Variants in LARP7 observed in about 807,000 individuals in gnomAD.
The protein encoded by LARP7 is la-related protein 7.
In LARP7, 52 loss-of-function variants were observed where a neutral mutation model predicts 69.3. The ratio of observed to expected loss-of-function variants is 0.75; its 90% confidence interval spans 0.60 to 0.95. The LOEUF is 0.95. Among genes scored for constraint, LARP7 ranks in the 40% least tolerant of loss-of-function variants. The pLI, the probability that LARP7 is intolerant of heterozygous loss-of-function variation, is 0.00. For missense variants in LARP7, 733 were observed against 673.0 expected, an observed-to-expected ratio of 1.09 and a Z score of -0.99; for synonymous variants, 254 against 215.9, an observed-to-expected ratio of 1.18 and a Z score of -1.55.
intron 1 of LARP7, among the ~76,000 whole-genome samples, chr4:112,638,537 G>A (rs929481033): frequency 6.6e-6 from 1 of 152,112 alleles, no homozygotes; most frequent in Non-Finnish European, 1.5e-5. Context: ...TCATTTCAAC[G>A]TTCCTGATTG....
intron 12 of LARP7, chr4:112,654,828 G>C (rs1343451900): frequency 6.6e-6 from 1 of 151,966 alleles, no homozygotes; most frequent in Non-Finnish European, 1.5e-5. Flanking sequence ...AAAAGTGCCT[G>C]GAACAAAGTA....
chr4:112,652,772 G>C lies in LARP7; in HGVS notation c.1417-305G>C, dbSNP rs180768122. Among the ~76,000 whole-genome samples the C allele has an allele frequency of 2.5e-4, 37 of 150,814 alleles. No homozygotes were observed. In the East Asian group the frequency reaches 6.0e-3, roughly 25 times the overall value. ...AACGCTTCCTGATTTGGGGGTTGGG[G>C]GACACTATTTCTGCTTTCTGCTCTA... On this transcript the variant is annotated intron_variant, in intron 10 of 12. Transcript: ENST00000344442.
chr4:112,645,658 C>A (rs2048169909), intron 2 of LARP7: 1 of 442,570 alleles, frequency 2.3e-6, no homozygotes, highest in Non-Finnish European at 4.5e-6. Context: ...TAGCTGAGAA[C>A]ACAGGCAAGC....
At chr4:112,656,355 G>A (rs1578654436) in intron 12 of LARP7, among the ~76,000 whole-genome samples, 3 of 152,114 alleles carry the variant, frequency 2.0e-5, no homozygotes, top group Admixed American at 1.3e-4. Context: ...CCAAGATGGC[G>A]CCACTGCACC....
rs1461662276 is a variant in LARP7, at chr4:112,657,559, T to G, written c.*232T>G. 7 of 282,324 alleles carry G rather than the reference T, an allele frequency of 2.5e-5. No homozygotes were observed. Among genetic ancestry groups the G allele is most frequent in the African/African-American group, 8.7e-5 (4 of 45,742 alleles). The allele number at this position is 282,324 out of a possible 1,614,324, so 17.5% of individuals were successfully genotyped here. A position where few individuals can be genotyped will look rare whatever the true frequency, so the allele number is the denominator to read the frequency against. Reference sequence around the variant, plus strand: ...ATCTTAGATGTCAGTGTCAGGTGATTTAGTAAATAAATGTGTTTTGAACAT... The same window carrying G: ...ATCTTAGATGTCAGTGTCAGGTGATGTAGTAAATAAATGTGTTTTGAACAT... On this transcript the variant is annotated 3_prime_UTR_variant, in exon 13 of 13. Transcript: ENST00000344442.
intron 1 of LARP7, among the ~76,000 whole-genome samples, chr4:112,643,075 T>C (rs1165040423): frequency 6.6e-6 from 1 of 152,258 alleles, no homozygotes; most frequent in Non-Finnish European, 1.5e-5. Context: ...AACACATTTT[T>C]AAGTGACTGT....
rs750794892 is a variant in LARP7, at chr4:112,653,027, T to C, written c.1417-50T>C. 5 of 1,425,352 alleles carry C rather than the reference T, an allele frequency of 3.5e-6. No individual in the cohort carries two copies. The African/African-American group carries it at 7.2e-5, about 21-fold the overall frequency. The allele number at this position is 1,425,352 out of a possible 1,614,324, so 88.3% of individuals were successfully genotyped here. On this transcript the variant is annotated intron_variant, in intron 10 of 12. Transcript: ENST00000344442. ...AACCATTGGAATAGTTTTAGAATTA[T>C]TGTGAAACTTTTTAAATTTTATTTG... is the stretch of plus-strand genomic sequence containing the variant.
At position 112,646,610 on chromosome 4, in the gene LARP7, T is replaced by C; in HGVS notation, c.326T>C (p.Ile109Thr). 2 of 1,598,408 alleles carry C rather than the reference T, an allele frequency of 1.3e-6. No individual in the cohort carries two copies. Among genetic ancestry groups the C allele is most frequent in the Non-Finnish European group, 1.7e-6 (2 of 1,171,448 alleles). Reference protein sequence around the residue: ...VVELDLEGTRIRRKKPLGERP... With the variant: ...VVELDLEGTRTRRKKPLGERP... ...AAGCTTGATTTGGAAGGCACCAGAATCCGGAGGAAAAAACCTCTGGGGGAA... is the reference window on the plus strand; with the variant it reads ...AAGCTTGATTTGGAAGGCACCAGAACCCGGAGGAAAAAACCTCTGGGGGAA... The change falls in exon 4 of 13, where the codon ATC becomes ACC. Residue 109 changes from isoleucine to threonine, a missense_variant. Physicochemically the swap from Ile to Thr is moderately conservative, Grantham distance 89. Coordinates refer to ENST00000344442, the MANE Select transcript of LARP7 (RefSeq NM_016648.4).
rs2048362293 is a variant in LARP7, at chr4:112,647,547, G to A, written c.995G>A (p.Arg332Lys). Residue 332 changes from arginine (R) to lysine (K), a missense_variant and splice_region_variant, in exon 7 of 13, where the codon AGA (arginine) becomes AAA (lysine). Coordinates refer to ENST00000344442, the MANE Select transcript of LARP7 (RefSeq NM_016648.4). Reference sequence around the variant, plus strand: ...GCATCAGAAGCTTCCAAGGAAAATAGAGGTAAAACTACAAGGTTTTAATTA... The same window carrying A: ...GCATCAGAAGCTTCCAAGGAAAATAAAGGTAAAACTACAAGGTTTTAATTA... ...KEASEASKEN[R>K]DIEISTEEEK... 6.3e-7 allele frequency: 1 copy of A among 1,590,070 alleles called. No individual in the cohort carries two copies. Among genetic ancestry groups the A allele is most frequent in the Non-Finnish European group, 8.5e-7 (1 of 1,170,092 alleles).
intron 1 of LARP7, among the ~76,000 whole-genome samples, chr4:112,641,610 G>T (rs1400479147): frequency 6.6e-6 from 1 of 152,196 alleles, no homozygotes; most frequent in Non-Finnish European, 1.5e-5. Context: ...TCATATTTGG[G>T]ATATATTTTA....
rs1484230924 is a variant in LARP7, at chr4:112,649,677, A to C, written c.1285A>C (p.Asn429His). 1 of 1,591,280 alleles carries C rather than the reference A, an allele frequency of 6.3e-7. No individual in the cohort carries two copies. The highest frequency in any genetic ancestry group is 8.5e-7 in the Non-Finnish European group (1 of 1,170,874). The change falls in exon 9 of 13, where the codon AAT becomes CAT. Residue 429 changes from asparagine to histidine, a missense_variant. Asn to His is a moderately conservative substitution (Grantham distance 68). Transcript: ENST00000344442. ...AGTACCTCAAAACACTGGAATGAAA[A>C]ATGAAAAAAGTAAAGATCACTGATA... ...SGVPQNTGMK[N>H]EKTANREECR...
At chr4:112,648,128 C>A in intron 8 of LARP7, 1 of 540,650 alleles carries the variant, frequency 1.8e-6, no homozygotes. Flanking sequence ...GAGCTGCGGT[C>A]AATACAATAA....
At chr4:112,641,709 C>G (rs1201764641) in intron 1 of LARP7, among the ~76,000 whole-genome samples, 1 of 152,132 alleles carries the variant, frequency 6.6e-6, no homozygotes, top group Non-Finnish European at 1.5e-5. Context: ...TTTGCCTTTT[C>G]AGCAATTTTG....
chr4:112,657,129 C>A, intron 12 of LARP7, 118 bp from the exon 13 acceptor site: 5 of 438,574 alleles, frequency 1.1e-5, no homozygotes, highest in Non-Finnish European at 2.0e-5. Flanking sequence ...AAAAAATTTC[C>A]ATTTAAGCTG....
Position 112,646,416 on chromosome 4 carries a change from A to G in LARP7, c.268A>G (p.Ile90Val). 6.2e-7 allele frequency: 1 copy of G among 1,605,932 alleles called. No homozygotes were observed. Among genetic ancestry groups the G allele is most frequent in the East Asian group, 2.2e-5 (1 of 44,658 alleles). Residue 90 changes from isoleucine to valine, a missense_variant, in exon 3 of 13, where the codon ATT (isoleucine) becomes GTT (valine). Physicochemically the swap from Ile to Val is conservative, Grantham distance 29. Coordinates refer to ENST00000344442, the MANE Select transcript of LARP7 (RefSeq NM_016648.4). ...MKKLTTDGKL[I>V]ARALRSSAVV... ...AAAATTGACTACTGATGGGAAGTTA[A>G]TTGCCAGAGCATTGAGAAGTTCAGC...
intron 1 of LARP7, chr4:112,638,116 C>CA: frequency 6.6e-6 from 1 of 152,282 alleles, no homozygotes; most frequent in East Asian, 1.9e-4. Flanking sequence ...GCCAATATGG[C>CA]AAAATCTCGT....
intron 10 of LARP7, among the ~76,000 whole-genome samples, chr4:112,651,752 T>C (rs2048750062): frequency 6.6e-6 from 1 of 152,174 alleles, no homozygotes; most frequent in African/African-American, 2.4e-5. Flanking sequence ...TTTGTCATTC[T>C]ATGGGTTTTA....
In LARP7 at chr4:112,649,611, T is replaced by G; in HGVS notation, c.1219T>G (p.Ser407Ala). Residue 407 changes from serine to alanine, a missense_variant, in exon 9 of 13, where the codon TCC (serine) becomes GCC (alanine). By Grantham distance (99) the Ser-to-Ala change is moderately conservative. Transcript: ENST00000344442. ...CATGGCTTCTTTAAAAAAAACAATA[T>G]CCCAAATAAAATCAGAGTCAGAAAT... ...ASMASLKKTI[S>A]QIKSESEMET... 1 of 1,607,182 alleles carries G rather than the reference T, an allele frequency of 6.2e-7. No homozygotes were observed. Among genetic ancestry groups the G allele is most frequent in the South Asian group, 1.1e-5 (1 of 90,480 alleles).
chr4:112,644,620 G>A, intron 1 of LARP7, 48 bp from the exon 2 acceptor site: 1 of 1,367,906 alleles, frequency 7.3e-7, no homozygotes, highest in East Asian at 2.4e-5. Context: ...AACTATATTA[G>A]CTATTGTGGT....
Sources: allele counts gnomAD v4.1 joint callset (sites outside exome capture counted in the v4.1 genomes callset), GRCh38; gene constraint gnomAD v4.1.1; transcripts MANE v1.5; gene names NCBI Gene and HGNC (gene_info 2026-07-23, HGNC 2026-07-21).